GPR39: variants seen among roughly 807,000 people sequenced by gnomAD.
GPR39 encodes G protein-coupled receptor 39, also known as zinc sensing receptor.
GPR39 carries 23 observed loss-of-function variants against 18.4 expected under a neutral mutation model. That is an observed-to-expected ratio of 1.25 (90% CI 0.90 to 1.77). GPR39 has a LOEUF of 1.77. Ranked by LOEUF, GPR39 falls within the 40% of genes most tolerant of loss-of-function variation. The pLI is 0.00. For missense variants in GPR39, 647 were observed against 602.4 expected, an observed-to-expected ratio of 1.07 and a Z score of -0.78; for synonymous variants, 280 against 257.9, an observed-to-expected ratio of 1.09 and a Z score of -0.82.
intron 1 of GPR39, among the ~76,000 whole-genome samples, chr2:132,599,206 G>A (rs765187855): frequency 9.2e-5 from 14 of 152,146 alleles, no homozygotes; most frequent in East Asian, 1.9e-4. Context: ...ACTTTCCAGC[G>A]GGAGGTTATG....
intron 1 of GPR39, among the ~76,000 whole-genome samples, chr2:132,578,260 C>A (rs371394965): frequency 1.9e-4 from 29 of 151,980 alleles, no homozygotes; most frequent in African/African-American, 7.3e-5. Context: ...CACAATTCTT[C>A]TAATATATTG....
At chr2:132,441,880 G>C (rs1305497664) in intron 1 of GPR39, among the ~76,000 whole-genome samples, 1 of 152,156 alleles carries the variant, frequency 6.6e-6, no homozygotes, top group African/African-American at 2.4e-5. Flanking sequence ...AGATCTTGCC[G>C]TGTGCTTGCA....
intron 1 of GPR39, among the ~76,000 whole-genome samples, chr2:132,636,596 G>T (rs565010180): frequency 2.0e-5 from 3 of 152,218 alleles, no homozygotes; most frequent in Non-Finnish European, 4.4e-5. Flanking sequence ...GAAGCCCCAC[G>T]TTTGGACTCA....
chr2:132,526,585 C>T (rs1558826765), intron 1 of GPR39, among the ~76,000 whole-genome samples: 1 of 152,214 alleles, frequency 6.6e-6, no homozygotes, highest in Non-Finnish European at 1.5e-5. Context: ...TGCCTGCAGG[C>T]ATCTTCTGGG....
chr2:132,421,707 T>C (rs990165706), intron 1 of GPR39, among the ~76,000 whole-genome samples: 2 of 152,190 alleles, frequency 1.3e-5, no homozygotes, highest in African/African-American at 4.8e-5. Context: ...AAGGTTGATA[T>C]ACATTTAGAT....
intron 1 of GPR39, among the ~76,000 whole-genome samples, chr2:132,570,678 C>A (rs1680427317): frequency 6.6e-6 from 1 of 152,222 alleles, no homozygotes; most frequent in East Asian, 1.9e-4. Flanking sequence ...CCCCTCCACT[C>A]CTCCCAGCCT....
At chr2:132,643,107 A>G (rs1681889504) in intron 1 of GPR39, among the ~76,000 whole-genome samples, 1 of 152,128 alleles carries the variant, frequency 6.6e-6, no homozygotes. Flanking sequence ...AAAATCAGAA[A>G]TTTTTGTTGT....
intron 1 of GPR39, among the ~76,000 whole-genome samples, chr2:132,617,719 C>A (rs1051154804): frequency 6.6e-6 from 1 of 152,090 alleles, no homozygotes; most frequent in African/African-American, 2.4e-5. Context: ...TTTACAAAAG[C>A]CTTCCTATAT....
intron 1 of GPR39, among the ~76,000 whole-genome samples, chr2:132,580,490 A>C (rs898172877): frequency 6.6e-6 from 1 of 152,198 alleles, no homozygotes; most frequent in Non-Finnish European, 1.5e-5. Flanking sequence ...GAAAGTGAAA[A>C]TATGTTTACT....
chr2:132,461,336 C>T (rs1340778376), intron 1 of GPR39, among the ~76,000 whole-genome samples: 2 of 152,192 alleles, frequency 1.3e-5, no homozygotes, highest in Middle Eastern at 3.2e-3. Context: ...TTTTCCTAGA[C>T]TTGCTAGCTG....
chr2:132,581,336 CTTT>C (rs34169955), intron 1 of GPR39, among the ~76,000 whole-genome samples: 3 of 143,578 alleles, frequency 2.1e-5, no homozygotes, highest in African/African-American at 2.6e-5. Context: ...ACGATAGTGA[CTTT>C]TTTTTTTTTT....
intron 1 of GPR39, among the ~76,000 whole-genome samples, chr2:132,492,642 C>CTATATATAATATATATACACACCA (rs1681506401): frequency 8.4e-6 from 1 of 118,798 alleles, no homozygotes; most frequent in East Asian, 2.4e-4. Context: ...TACACACCAT[C>CTATATATAATATATATACACACCA]TATATATAAT....
chr2:132,501,749 G>C (rs893988513), intron 1 of GPR39, among the ~76,000 whole-genome samples: 9 of 152,032 alleles, frequency 5.9e-5, no homozygotes, highest in Non-Finnish European at 1.2e-4. Context: ...TTATAAATTT[G>C]GGATCACCAG....
rs1445090452 is a variant in GPR39, at chr2:132,645,484, C to T, written c.1240C>T (p.Gln414Ter). ...RTEKIFLSTF[Q>*]SEAEPQSKSQ... ...TGAGAAGATTTTCTTAAGCACTTTT[C>T]AGAGCGAGGCCGAGCCCCAGTCTAA... The change falls in exon 2 of 2, where the codon CAG becomes TAG. Residue 414 changes from glutamine (Q) to a stop codon, truncating the protein, a stop_gained. Transcript: ENST00000329321. LOFTEE classifies it low-confidence loss of function (END_TRUNC). 6 of 1,613,872 alleles carry T rather than the reference C, an allele frequency of 3.7e-6. No homozygotes were observed. The African/African-American group carries it at 4.0e-5, about 11-fold the overall frequency.
At chr2:132,535,771 A>G (rs570507244) in intron 1 of GPR39, among the ~76,000 whole-genome samples, 1 of 146,038 alleles carries the variant, frequency 6.8e-6, no homozygotes, top group East Asian at 2.1e-4. Flanking sequence ...CAGGGATTTG[A>G]CTTATTCCTG....
intron 1 of GPR39, among the ~76,000 whole-genome samples, chr2:132,494,279 C>T (rs2104799144): frequency 6.6e-6 from 1 of 152,282 alleles, no homozygotes; most frequent in South Asian, 2.1e-4. Context: ...TGAGAAAGAC[C>T]TTCTCCAGAA....
At chr2:132,561,577 T>C (rs1234032000) in intron 1 of GPR39, among the ~76,000 whole-genome samples, 2 of 147,872 alleles carry the variant, frequency 1.4e-5, no homozygotes, top group South Asian at 2.2e-4. Context: ...AATATGAGTG[T>C]ACACACACAC....
At chr2:132,492,488 T>TAC (rs1681496534) in intron 1 of GPR39, among the ~76,000 whole-genome samples, 1 of 142,738 alleles carries the variant, frequency 7.0e-6, no homozygotes, top group African/African-American at 2.5e-5. Context: ...ACCATATATA[T>TAC]ACACCATATA....
At chr2:132,503,650 A>G (rs1679085078) in intron 1 of GPR39, among the ~76,000 whole-genome samples, 1 of 152,230 alleles carries the variant, frequency 6.6e-6, no homozygotes, top group Admixed American at 6.5e-5. Context: ...GGGCAGGGCC[A>G]TAGAACTCCC....
Sources: allele counts gnomAD v4.1 joint callset (sites outside exome capture counted in the v4.1 genomes callset), GRCh38; gene constraint gnomAD v4.1.1; transcripts MANE v1.5; gene names NCBI Gene and HGNC (gene_info 2026-07-23, HGNC 2026-07-21).